CD274: variants seen among roughly 807,000 people sequenced by gnomAD.
CD274 encodes CD274 molecule.
CD274 carries 8 observed loss-of-function variants against 30.1 expected under a neutral mutation model. The observed-to-expected ratio is 0.27, with a 90% CI of 0.16 to 0.48. The LOEUF is 0.48. CD274 is among the 20% of genes least tolerant of loss of function. The probability of loss-of-function intolerance (pLI) is 0.99; values close to 1 mark genes in which losing one functional copy is unlikely to be tolerated. For synonymous variants in CD274, 152 were observed against 124.6 expected (o/e 1.22, Z -1.46); for missense variants, 353 against 346.6 (o/e 1.02, Z -0.15).
intron 4 of CD274, 145 bp from the exon 5 acceptor site, chr9:5,465,354 C>G: frequency 1.7e-6 from 1 of 581,174 alleles, no homozygotes; most frequent in Non-Finnish European, 3.1e-6. Context: ...ACACAGGTAT[C>G]TCGCCATTCC....
chr9:5,460,777 G>T (rs1819390291), intron 3 of CD274, among the ~76,000 whole-genome samples: 1 of 152,006 alleles, frequency 6.6e-6, no homozygotes, highest in South Asian at 2.1e-4. Context: ...AGTGTTCTGG[G>T]TCTGCAAAAA....
At chr9:5,464,917 C>T (rs1819470435) in intron 4 of CD274, among the ~76,000 whole-genome samples, 1 of 151,902 alleles carries the variant, frequency 6.6e-6, no homozygotes, top group African/African-American at 2.4e-5. Flanking sequence ...TGAAACTCTG[C>T]CTTTACTAAA....
chr9:5,455,461 G>C (rs1183435133), intron 1 of CD274, among the ~76,000 whole-genome samples: 1 of 152,136 alleles, frequency 6.6e-6, no homozygotes, highest in Admixed American at 6.6e-5. Flanking sequence ...ATCTTAGTAT[G>C]AATTAGTCAA....
intron 4 of CD274, 92 bp from the exon 5 acceptor site, chr9:5,465,407 A>G: frequency 1.4e-6 from 1 of 713,876 alleles, no homozygotes; most frequent in South Asian, 1.7e-5. Flanking sequence ...TCCTAAAGCT[A>G]AACTAAACTT....
rs906981256 is a variant in CD274, at chr9:5,469,840, C to T, written c.*1978C>T. On this transcript the variant is annotated 3_prime_UTR_variant, in exon 7 of 7. Transcript: ENST00000381577. ...TCCTAAAAAGCAATCTTATTATTAA[C>T]TCTGTATGACAGAATCATGTCTGGA... The T allele has an allele frequency of 1.3e-5, 3 of 232,946 alleles. No individual in the cohort carries two copies. The highest frequency in any genetic ancestry group is 1.8e-4 in the South Asian group (1 of 5,536). 14.4% of individuals were successfully genotyped at this position (232,946 alleles called of 1,614,324 possible).
chr9:5,459,436 C>A (rs1315975244), intron 3 of CD274, among the ~76,000 whole-genome samples: 2 of 152,176 alleles, frequency 1.3e-5, no homozygotes, highest in African/African-American at 4.8e-5. Context: ...CTTGCAGGAG[C>A]TTCCCAACTC....
intron 4 of CD274, among the ~76,000 whole-genome samples, chr9:5,464,580 G>A (rs1480906748): frequency 6.6e-6 from 1 of 152,086 alleles, no homozygotes. Context: ...CTCCTGCATG[G>A]TACCCCAGAC....
chr9:5,459,929 T>C (rs1197169070), intron 3 of CD274, among the ~76,000 whole-genome samples: 3 of 152,022 alleles, frequency 2.0e-5, no homozygotes, highest in Non-Finnish European at 4.4e-5. Context: ...CCTGTTTAAG[T>C]GTTCTCTGTA....
At chr9:5,458,011 A>G (rs2131214364) in intron 3 of CD274, among the ~76,000 whole-genome samples, 1 of 152,352 alleles carries the variant, frequency 6.6e-6, no homozygotes, top group African/African-American at 2.4e-5. Context: ...ATTAAGTGTG[A>G]AAGAACCTAT....
chr9:5,455,574 G>A (rs769624067), intron 1 of CD274, among the ~76,000 whole-genome samples: 8 of 152,218 alleles, frequency 5.3e-5, no homozygotes, highest in Admixed American at 1.3e-4. Context: ...CAGAAGAGGA[G>A]ATTTTGAAGG....
At chr9:5,457,872 G>A (rs1387269943) in intron 3 of CD274, among the ~76,000 whole-genome samples, 2 of 151,804 alleles carry the variant, frequency 1.3e-5, no homozygotes, top group Non-Finnish European at 2.9e-5. Context: ...TATTTTATTA[G>A]GTCCGTCAGT....
chr9:5,459,008 C>A (rs1819356252), intron 3 of CD274, among the ~76,000 whole-genome samples: 1 of 152,158 alleles, frequency 6.6e-6, no homozygotes, highest in South Asian at 2.1e-4. Flanking sequence ...CAAAAAAGGT[C>A]TCTCATCAGC....
rs749821459 is a variant in CD274, at chr9:5,466,722, A to C, written c.791-48A>C. On this transcript the variant is annotated intron_variant, in intron 5 of 6. Coordinates refer to ENST00000381577, the MANE Select transcript of CD274 (RefSeq NM_014143.4). ...ATTTAAACTTGGGTCACTGTATGGG[A>C]TGTAGAGCTGTGCTATATGGAAATA... 5.1e-6 allele frequency: 7 copies of C among 1,379,604 alleles called. No individual in the cohort carries two copies. The Admixed American group carries it at 1.2e-4, about 24-fold the overall frequency. 85.5% of individuals were successfully genotyped at this position (1,379,604 alleles called of 1,614,324 possible).
In CD274 at chr9:5,466,786, GA is replaced by G; in HGVS notation, c.813del (p.Lys271AsnfsTer44). On this transcript the variant is annotated frameshift_variant, in exon 6 of 7. Coordinates refer to ENST00000381577, the MANE Select transcript of CD274 (RefSeq NM_014143.4). LOFTEE classifies it high-confidence loss of function. ...TTTCTCAAGGGAGAATGATGGATGT[GA>G]AAAAATGTGGCATCCAAGATACAAA... ...RLRKGRMMDVKKCGIQDTNSK... is the reference protein window; with the variant it reads ...RLRKGRMMDVXKCGIQDTNSK... 6.2e-7 allele frequency: 1 copy of G among 1,611,016 alleles called. No individual in the cohort carries two copies.
intron 5 of CD274, among the ~76,000 whole-genome samples, chr9:5,466,215 T>C (rs1819495734): frequency 1.3e-5 from 2 of 152,214 alleles, no homozygotes; most frequent in Admixed American, 1.3e-4. Flanking sequence ...TGATGTTAAA[T>C]AGGGAAGTAG....
chr9:5,453,778 A>T (rs1819249471), intron 1 of CD274, among the ~76,000 whole-genome samples: 1 of 152,240 alleles, frequency 6.6e-6, no homozygotes, highest in Non-Finnish European at 1.5e-5. Flanking sequence ...AAGGTTTCTC[A>T]GCACTGGCAC....
chr9:5,452,519 C>A (rs1286194436), intron 1 of CD274, among the ~76,000 whole-genome samples: 1 of 152,182 alleles, frequency 6.6e-6, no homozygotes, highest in Non-Finnish European at 1.5e-5. Flanking sequence ...CACATATGGT[C>A]ATAATTCTTA....
At chr9:5,467,388 G>A (rs938132429) in intron 6 of CD274, among the ~76,000 whole-genome samples, 1 of 152,110 alleles carries the variant, frequency 6.6e-6, no homozygotes, top group Non-Finnish European at 1.5e-5. Flanking sequence ...AATCCATTTT[G>A]CTACAAATGT....
chr9:5,459,646 C>T (rs535966727), intron 3 of CD274, among the ~76,000 whole-genome samples: 6 of 152,326 alleles, frequency 3.9e-5, no homozygotes, highest in African/African-American at 9.6e-5. Context: ...TTATCACTAT[C>T]ACTTCGGGTG....
Sources: allele counts gnomAD v4.1 joint callset (sites outside exome capture counted in the v4.1 genomes callset), GRCh38; gene constraint gnomAD v4.1.1; transcripts MANE v1.5; gene names NCBI Gene and HGNC (gene_info 2026-07-23, HGNC 2026-07-21).